Variants in PPP4R4 observed in about 807,000 individuals in gnomAD.
PPP4R4 encodes protein phosphatase 4 regulatory subunit 4.
A neutral mutation model predicts 121.8 loss-of-function variants in PPP4R4; 70 were observed. That is an observed-to-expected ratio of 0.57 (90% confidence interval 0.47 to 0.70). The LOEUF is 0.70. PPP4R4 is among the 30% of genes least tolerant of loss of function. The probability of loss-of-function intolerance (pLI) is 0.00; values close to 1 mark genes in which losing one functional copy is unlikely to be tolerated. For missense variants in PPP4R4, 875 were observed against 1,033.6 expected (o/e 0.85, Z 2.10); for synonymous variants, 348 against 355.7 (o/e 0.98, Z 0.24).
chr14:94,272,998 G>T (rs1364728248), intron 23 of PPP4R4, among the ~76,000 whole-genome samples: 1 of 152,198 alleles, frequency 6.6e-6, no homozygotes, highest in Non-Finnish European at 1.5e-5. Context: ...GCAAATGCTG[G>T]TGAGGATGTG....
At chr14:94,187,541 T>A (rs1200035100) in intron 2 of PPP4R4, among the ~76,000 whole-genome samples, 1 of 152,192 alleles carries the variant, frequency 6.6e-6, no homozygotes, top group African/African-American at 2.4e-5. Flanking sequence ...TACATAATCA[T>A]GGTACATCTT....
intron 2 of PPP4R4, among the ~76,000 whole-genome samples, chr14:94,176,388 T>G (rs150181793): frequency 1.0e-3 from 149 of 149,332 alleles, no homozygotes; most frequent in African/African-American, 3.5e-3. Flanking sequence ...AACCTCATCC[T>G]TTTTTTCTTT....
chr14:94,259,089 A>T (rs1251296270), intron 18 of PPP4R4, among the ~76,000 whole-genome samples: 1 of 152,200 alleles, frequency 6.6e-6, no homozygotes, highest in African/African-American at 2.4e-5. Context: ...CACTATCATG[A>T]GAAGAGCATA....
chr14:94,182,106 T>C (rs1294821238), intron 2 of PPP4R4, among the ~76,000 whole-genome samples: 1 of 152,182 alleles, frequency 6.6e-6, no homozygotes, highest in Non-Finnish European at 1.5e-5. Context: ...CCTTTCCAAG[T>C]GTGCTCTGTG....
intron 16 of PPP4R4, among the ~76,000 whole-genome samples, chr14:94,256,066 A>G (rs1893455243): frequency 6.6e-6 from 1 of 152,188 alleles, no homozygotes; most frequent in South Asian, 2.1e-4. Context: ...CTTAAATATC[A>G]TCTTTTCAGT....
intron 14 of PPP4R4, among the ~76,000 whole-genome samples, chr14:94,249,689 T>C (rs942336194): frequency 3.9e-5 from 6 of 152,054 alleles, no homozygotes; most frequent in African/African-American, 1.4e-4. Flanking sequence ...CTTTGGATTC[T>C]AAATGTCATC....
At chr14:94,267,984 A>C (rs150014362) in intron 23 of PPP4R4, among the ~76,000 whole-genome samples, 544 of 152,288 alleles carry the variant, frequency 3.6e-3, no homozygotes, top group East Asian at 0.014. Flanking sequence ...CAGTATATAG[A>C]GTGGTTTTCT....
intron 1 of PPP4R4, 100 bp downstream of exon 1, chr14:94,174,682 C>T (rs1888564855): frequency 4.0e-6 from 6 of 1,483,458 alleles, no homozygotes; most frequent in Non-Finnish European, 5.4e-6. Context: ...TCCCCTCCTC[C>T]GGGCCGCCGG....
In PPP4R4 at chr14:94,237,681, A is replaced by G. The variant is rs1401661549; in HGVS notation, c.848A>G (p.Asp283Gly). The G allele has an allele frequency of 6.2e-7, 1 of 1,611,856 alleles. No homozygotes were observed. The highest frequency in any genetic ancestry group is 2.2e-5 in the East Asian group (1 of 44,850). Residue 283 changes from aspartate to glycine, a missense_variant, in exon 8 of 25, where the codon GAT becomes GGT. Asp to Gly is a moderately conservative substitution (Grantham distance 94, BLOSUM62 -1). Coordinates refer to ENST00000304338, the MANE Select transcript of PPP4R4 (RefSeq NM_058237.2). ...ETLVNLLDIF[D>G]TDDRSQTILP... The stretch of plus-strand genomic sequence containing the variant: ...TTGGTTAATCTGCTTGATATATTTG[A>G]TACAGGTAAATCATGTGGCTACATC...
chr14:94,230,765 T>A (rs1287449462), intron 4 of PPP4R4, 31 bp downstream of exon 4: 3 of 1,572,084 alleles, frequency 1.9e-6, no homozygotes, highest in Non-Finnish European at 1.7e-6. Context: ...AATTATATAC[T>A]TGTTTATTGT....
intron 3 of PPP4R4, among the ~76,000 whole-genome samples, chr14:94,217,732 C>A (rs541983005): frequency 6.6e-6 from 1 of 152,234 alleles, no homozygotes; most frequent in African/African-American, 2.4e-5. Context: ...TGGTGGCTCA[C>A]GCCTGTAATC....
At chr14:94,214,092 T>C (rs571181169) in intron 3 of PPP4R4, among the ~76,000 whole-genome samples, 38 of 152,282 alleles carry the variant, frequency 2.5e-4, no homozygotes, top group African/African-American at 9.1e-4. Flanking sequence ...TGGCAGATAA[T>C]AGGCACTCAA....
chr14:94,204,698 A>G (rs1456050202), intron 2 of PPP4R4, among the ~76,000 whole-genome samples: 1 of 152,028 alleles, frequency 6.6e-6, no homozygotes, highest in Non-Finnish European at 1.5e-5. Flanking sequence ...ACCATGCTGA[A>G]TTTCCCAGTG....
chr14:94,207,315 C>T (rs1243120), intron 2 of PPP4R4, among the ~76,000 whole-genome samples: 68,895 of 151,494 alleles, frequency 0.45, 18,262 homozygotes, highest in Non-Finnish European at 0.61. Context: ...TGAATTTTGT[C>T]TATTAAAGGA....
chr14:94,227,382 A>G, intron 3 of PPP4R4: 1 of 1,607,252 alleles, frequency 6.2e-7, no homozygotes, highest in Admixed American at 1.7e-5. Context: ...CTTACTGGTA[A>G]GTATTGAACT....
At chr14:94,199,106 A>G (rs1890032020) in intron 2 of PPP4R4, among the ~76,000 whole-genome samples, 1 of 152,234 alleles carries the variant, frequency 6.6e-6, no homozygotes, top group African/African-American at 2.4e-5. Flanking sequence ...TCTGTCTTCA[A>G]TTTGTGAGAT....
intron 2 of PPP4R4, among the ~76,000 whole-genome samples, chr14:94,200,552 T>C (rs951016790): frequency 2.6e-5 from 4 of 152,254 alleles, no homozygotes; most frequent in African/African-American, 9.6e-5. Flanking sequence ...TTCTTCCTGG[T>C]TTAATCTAGG....
chr14:94,273,968 C>T, intron 23 of PPP4R4, among the ~76,000 whole-genome samples: 1 of 151,858 alleles, frequency 6.6e-6, no homozygotes, highest in Admixed American at 6.6e-5. Context: ...TACATTTTAC[C>T]ATTAAGTAAT....
At chr14:94,204,291 A>G (rs1890345538) in intron 2 of PPP4R4, among the ~76,000 whole-genome samples, 1 of 151,488 alleles carries the variant, frequency 6.6e-6, no homozygotes, top group African/African-American at 2.4e-5. Flanking sequence ...TTTAATTTTA[A>G]ACACCTGTGG....
Sources: allele counts gnomAD v4.1 joint callset (sites outside exome capture counted in the v4.1 genomes callset), GRCh38; gene constraint gnomAD v4.1.1; transcripts MANE v1.5; gene names NCBI Gene and HGNC (gene_info 2026-07-23, HGNC 2026-07-21).